Variants in SDAD1 observed in about 807,000 individuals in gnomAD.
SDAD1 encodes SDA1 domain containing 1.
A neutral mutation model predicts 100.3 loss-of-function variants in SDAD1; 79 were observed. That is an observed-to-expected ratio of 0.79 (90% CI 0.66 to 0.95). SDAD1 has a LOEUF of 0.95. Among genes scored for constraint, SDAD1 ranks in the 40% least tolerant of loss-of-function variants. SDAD1 has a pLI of 0.00. For missense variants in SDAD1, 790 were observed against 810.9 expected (o/e 0.97, Z 0.31); for synonymous variants, 267 against 271.4 (o/e 0.98, Z 0.16).
intron 6 of SDAD1, among the ~76,000 whole-genome samples, chr4:75,974,790 C>T (rs1675789151): frequency 6.6e-6 from 1 of 151,984 alleles, no homozygotes; most frequent in African/African-American, 2.4e-5. Flanking sequence ...GCCTGTAATC[C>T]CAGCACTTTG....
chr4:75,975,952 G>C lies in SDAD1; in HGVS notation c.449C>G (p.Ala150Gly). The C allele has an allele frequency of 6.2e-7, 1 of 1,604,920 alleles. No homozygotes were observed. The highest frequency in any genetic ancestry group is 8.5e-7 in the Non-Finnish European group (1 of 1,171,802). Residue 150 changes from alanine to glycine, a missense_variant, in exon 5 of 22, where the codon GCA becomes GGA. Coordinates refer to ENST00000356260, the MANE Select transcript of SDAD1 (RefSeq NM_018115.4). ...ATTCACTTTATTGTTCTTGTGTTTT[G>C]CATTTATATTCTTGATATCAGTCAC... Reference protein sequence around the residue: ...HIVTDIKNINAKHKNNKVNVV... With the variant: ...HIVTDIKNINGKHKNNKVNVV...
chr4:75,986,633 AC>A (rs1730911523), intron 1 of SDAD1, among the ~76,000 whole-genome samples: 1 of 151,894 alleles, frequency 6.6e-6, no homozygotes, highest in South Asian at 2.1e-4. Context: ...ACTAGTCCCC[AC>A]CTCCCATTTC....
At chr4:75,972,649 A>T (rs1422190266) in intron 8 of SDAD1, among the ~76,000 whole-genome samples, 1 of 143,836 alleles carries the variant, frequency 7.0e-6, no homozygotes, top group Non-Finnish European at 1.5e-5. Context: ...GGGAAGGATA[A>T]TTTTTTTTTT....
rs894448921 is a variant in SDAD1 at position 75,950,781 on chromosome 4, G to A, written c.2033C>T (p.Ala678Val). The change falls in exon 22 of 22, where the codon GCA becomes GTA. Residue 678 changes from alanine to valine, a missense_variant. Coordinates refer to ENST00000356260, the MANE Select transcript of SDAD1 (RefSeq NM_018115.4). ...CATTCTTTTTCTCTTTTTCAAAAGT[G>A]CATCTCGTAGTGCCAACTGTAAGAT... ...FREKQLALRD[A>V]LLKKRKRMK is the part of the protein sequence containing the mutation. 8.8e-6 allele frequency: 14 copies of A among 1,588,820 alleles called. No homozygotes were observed. Among genetic ancestry groups the A allele is most frequent in the South Asian group, 1.1e-5 (1 of 88,996 alleles).
At position 75,950,730 on chromosome 4, in the gene SDAD1, A is replaced by G; in HGVS notation, c.*20T>C. On this transcript the variant is annotated 3_prime_UTR_variant, in exon 22 of 22. Coordinates refer to ENST00000356260, the MANE Select transcript of SDAD1 (RefSeq NM_018115.4). The stretch of plus-strand genomic sequence containing the variant: ...ACACAAACTTAGCATTCTTCTAGGA[A>G]TGGAAAACTTGCCAGGAAGTTACTT... 1.9e-6 allele frequency: 3 copies of G among 1,561,386 alleles called. No homozygotes were observed. Among genetic ancestry groups the G allele is most frequent in the Non-Finnish European group, 2.6e-6 (3 of 1,137,310 alleles).
At chr4:75,952,742 C>T (rs528177954) in intron 21 of SDAD1, among the ~76,000 whole-genome samples, 5 of 152,308 alleles carry the variant, frequency 3.3e-5, no homozygotes, top group African/African-American at 1.2e-4. Context: ...CATGTGACTA[C>T]TGAGCATTTG....
chr4:75,962,052 C>T (rs1046467944), intron 14 of SDAD1, among the ~76,000 whole-genome samples: 8 of 152,182 alleles, frequency 5.3e-5, no homozygotes, highest in East Asian at 1.9e-4. Context: ...TCCCCACTAC[C>T]GCCACCCCAC....
intron 9 of SDAD1, among the ~76,000 whole-genome samples, chr4:75,971,001 A>G (rs1321648876): frequency 6.6e-6 from 1 of 152,246 alleles, no homozygotes; most frequent in African/African-American, 2.4e-5. Flanking sequence ...AATACAATTA[A>G]TAAACACACA....
chr4:75,969,521 T>TG, intron 10 of SDAD1, 122 bp from the exon 11 acceptor site: 1 of 622,878 alleles, frequency 1.6e-6, no homozygotes, highest in Non-Finnish European at 2.8e-6. Context: ...GGTGAATATG[T>TG]CAATATATGT....
rs776420760 is a variant in SDAD1 at position 75,975,728 on chromosome 4, A to AAT, written c.578+14_578+15dup. 19 of 1,562,364 alleles carry AAT rather than the reference A, an allele frequency of 1.2e-5. No individual in the cohort carries two copies. Among genetic ancestry groups the AAT allele is most frequent in the Non-Finnish European group, 1.7e-5 (19 of 1,135,114 alleles). The stretch of plus-strand genomic sequence containing the variant: ...AAAAGAGTCTACTTCTCAAGAGACA[A>AAT]ATATATATACACTACCAGATGTTCC... On this transcript the variant is annotated intron_variant, in intron 6 of 21. Coordinates refer to ENST00000356260, the MANE Select transcript of SDAD1 (RefSeq NM_018115.4).
chr4:75,985,396 C>T (rs1326227242), intron 1 of SDAD1, among the ~76,000 whole-genome samples: 1 of 152,130 alleles, frequency 6.6e-6, no homozygotes, highest in Non-Finnish European at 1.5e-5. Flanking sequence ...AGTCAGTAGG[C>T]ATCCTCCTTT....
Position 75,981,784 on chromosome 4 carries a change from G to A in SDAD1, c.195+149C>T. Reference sequence around the variant, plus strand: ...GTGACATTCTCTAACTCATGATAGGGAGAAAATAAAATTTGCAAAAAGGGA... The same window carrying A: ...GTGACATTCTCTAACTCATGATAGGAAGAAAATAAAATTTGCAAAAAGGGA... On this transcript the variant is annotated intron_variant, in intron 2 of 21. Coordinates refer to ENST00000356260, the MANE Select transcript of SDAD1 (RefSeq NM_018115.4). 8.5e-6 allele frequency: 6 copies of A among 708,126 alleles called. No homozygotes were observed. In the South Asian group the frequency reaches 1.2e-4, roughly 14 times the overall value. The allele number at this position is 708,126 out of a possible 1,614,324, so 43.9% of individuals were successfully genotyped here.
At chr4:75,986,996 C>A (rs546406533) in intron 1 of SDAD1, among the ~76,000 whole-genome samples, 3 of 152,072 alleles carry the variant, frequency 2.0e-5, no homozygotes, top group African/African-American at 7.2e-5. Flanking sequence ...CTGGCCTGGG[C>A]AACAGAGCAA....
At chr4:75,976,310 T>C (rs1251312661) in intron 4 of SDAD1, among the ~76,000 whole-genome samples, 1 of 152,140 alleles carries the variant, frequency 6.6e-6, no homozygotes, top group African/African-American at 2.4e-5. Flanking sequence ...AAAGTGGAAA[T>C]AACTTAAATT....
At chr4:75,982,104 T>C in intron 1 of SDAD1, 67 bp from the exon 2 acceptor site, 2 of 904,924 alleles carry the variant, frequency 2.2e-6, no homozygotes, top group South Asian at 3.4e-5. Flanking sequence ...AGACATTCAG[T>C]AGAGAAATTC....
chr4:75,957,685 G>A lies in SDAD1; in HGVS notation c.1602C>T (p.Pro534=), dbSNP rs780409009. The change falls in exon 19 of 22, where the codon CCC becomes CCT. Residue 534 remains proline (P), a synonymous_variant. Coordinates refer to ENST00000356260, the MANE Select transcript of SDAD1 (RefSeq NM_018115.4). The part of the protein sequence containing the change: ...QEISKKLNSM[P]MEERKAKAAA... The stretch of plus-strand genomic sequence containing the variant: ...CAGCTTTGGCCTTCCGCTCCTCCAT[G>A]GGCATGCTGTTCAGCTTCTTGGACT... 2.5e-6 allele frequency: 4 copies of A among 1,614,180 alleles called. No individual in the cohort carries two copies. The highest frequency in any genetic ancestry group is 3.4e-6 in the Non-Finnish European group (4 of 1,180,034).
At position 75,974,127 on chromosome 4, in the gene SDAD1, A is replaced by G. The variant is rs147061256; in HGVS notation, c.585T>C (p.Asp195=). The G allele has an allele frequency of 6.2e-7, 1 of 1,613,696 alleles. No homozygotes were observed. The highest frequency in any genetic ancestry group is 8.5e-7 in the Non-Finnish European group (1 of 1,179,696). The change falls in exon 7 of 22, where the codon GAT becomes GAC. Residue 195 remains aspartate (D), a synonymous_variant. Coordinates refer to ENST00000356260, the MANE Select transcript of SDAD1 (RefSeq NM_018115.4). Reference sequence around the variant, plus strand: ...TTGTGATAACATTGACAGTTTTTGCATCATTCCTGGGGGAAGACAATGAAT... The same window carrying G: ...TTGTGATAACATTGACAGTTTTTGCGTCATTCCTGGGGGAAGACAATGAAT... ...IELYRRNIWN[D]AKTVNVITTA... is the part of the protein sequence containing the mutation.
rs764917366 is a variant in SDAD1, at chr4:75,975,990, T to C, written c.411A>G (p.Leu137=). Residue 137 remains leucine, a synonymous_variant, in exon 5 of 22, where the codon TTA becomes TTG. Coordinates refer to ENST00000356260, the MANE Select transcript of SDAD1 (RefSeq NM_018115.4). ...RCHDKLLRKT[L]YTHIVTDIKN... is the part of the protein sequence containing the mutation. ...TGATATCAGTCACAATATGTGTGTA[T>C]AAAGTCTGAGGAAAAGAAACAAAAA... 6.3e-7 allele frequency: 1 copy of C among 1,595,800 alleles called. No individual in the cohort carries two copies. The highest frequency in any genetic ancestry group is 8.6e-7 in the Non-Finnish European group (1 of 1,164,532).
At chr4:75,964,024 A>G in intron 14 of SDAD1, 111 bp downstream of exon 14, 2 of 713,486 alleles carry the variant, frequency 2.8e-6, no homozygotes, top group South Asian at 3.3e-5. Flanking sequence ...TATATTTTAA[A>G]CCAATTTTAT....
Sources: allele counts gnomAD v4.1 joint callset (sites outside exome capture counted in the v4.1 genomes callset), GRCh38; gene constraint gnomAD v4.1.1; transcripts MANE v1.5; gene names NCBI Gene and HGNC (gene_info 2026-07-23, HGNC 2026-07-21).